The following GEMIN4 variants were observed in gnomAD, a reference collection of about 807,000 sequenced individuals.
The protein encoded by GEMIN4 is gem nuclear organelle associated protein 4.
A neutral mutation model predicts 76.8 loss-of-function variants in GEMIN4; 59 were observed. The ratio of observed to expected loss-of-function variants is 0.77; its 90% CI spans 0.62 to 0.95. The LOEUF is 0.95. Among genes scored for constraint, GEMIN4 ranks in the 40% least tolerant of loss-of-function variants. GEMIN4 has a pLI of 0.00. For missense variants in GEMIN4, 1,311 were observed against 1,318.9 expected, an observed-to-expected ratio of 0.99 and a Z score of 0.09; for synonymous variants, 562 against 559.7, an observed-to-expected ratio of 1.00 and a Z score of -0.06.
In GEMIN4 at chr17:747,772, G is replaced by A. The variant is rs763067962; in HGVS notation, c.271C>T (p.Arg91Trp). The change falls in exon 2 of 2, where the codon CGG becomes TGG. Residue 91 changes from arginine (R) to tryptophan (W), a missense_variant. By Grantham distance (101) the Arg-to-Trp change is moderately radical. This residue lies in a region of GEMIN4 where 103 missense variants were observed against 152.0 expected (regional missense o/e 0.68). Transcript: ENST00000319004. ...HPVTPSDTETRWQEDLFFSVG... is the reference protein window; with the variant it reads ...HPVTPSDTETWWQEDLFFSVG... Reference sequence around the variant, plus strand: ...GAGAAGAACAGGTCTTCCTGCCACCGTGTCTCTGTGTCGGACGGGGTCACG... The same window carrying A: ...GAGAAGAACAGGTCTTCCTGCCACCATGTCTCTGTGTCGGACGGGGTCACG... 28 of 1,613,448 alleles carry A rather than the reference G, an allele frequency of 1.7e-5. No individual in the cohort carries two copies. The highest frequency in any genetic ancestry group is 8.0e-5 in the African/African-American group (6 of 74,806).
chr17:744,721 T>A lies in GEMIN4; in HGVS notation c.*145A>T. ...TTGCCATGACTTTTTGTGGACAGTT[T>A]CACATAACTGTAAAGTCCAGGCTGC... On this transcript the variant is annotated 3_prime_UTR_variant, in exon 2 of 2. Transcript: ENST00000319004. The A allele has an allele frequency of 9.1e-6, 7 of 771,702 alleles. No homozygotes were observed. The highest frequency in any genetic ancestry group is 1.2e-5 in the Non-Finnish European group (6 of 501,208). 47.8% of individuals were successfully genotyped at this position (771,702 alleles called of 1,614,324 possible). A position where few individuals can be genotyped will look rare whatever the true frequency, so the allele number is the denominator to read the frequency against.
chr17:744,580 CCTGGGCTATTGCTGAGGCCGACTTAGA>C lies in GEMIN4; in HGVS notation c.*259_*285del. On this transcript the variant is annotated 3_prime_UTR_variant, in exon 2 of 2. Coordinates refer to ENST00000319004, the MANE Select transcript of GEMIN4 (RefSeq NM_015721.3). ...AACCCAATTTCAGAGCATATTTAAT[CCTGGGCTATTGCTGAGGCCGACTTAGA>C]AGAGACAAAGTGAGATGCGAAAGAG... 1 of 305,666 alleles carries C rather than the reference CCTGGGCTATTGCTGAGGCCGACTTAGA, an allele frequency of 3.3e-6. No individual in the cohort carries two copies. The highest frequency in any genetic ancestry group is 6.3e-5 in the East Asian group (1 of 15,882). The allele number at this position is 305,666 out of a possible 1,614,324, so 18.9% of individuals were successfully genotyped here.
At position 744,881 on chromosome 17, in the gene GEMIN4, C is replaced by T. The variant is rs1192640876; in HGVS notation, c.3162G>A (p.Lys1054=). 6.2e-7 allele frequency: 1 copy of T among 1,610,204 alleles called. No individual in the cohort carries two copies. Among genetic ancestry groups the T allele is most frequent in the Non-Finnish European group, 8.5e-7 (1 of 1,178,178 alleles). Reference sequence around the variant, plus strand: ...CCACGCCAAGTCAGAAGCTGCTCATCTTCTGCAACAGGGTTTGGCGCCGTT... The same window carrying T: ...CCACGCCAAGTCAGAAGCTGCTCATTTTCTGCAACAGGGTTTGGCGCCGTT... ...PEERRQTLLQ[K]MSSF The change falls in exon 2 of 2, where the codon AAG becomes AAA. Residue 1054 remains lysine, a synonymous_variant. Transcript: ENST00000319004.
chr17:745,351 G>A lies in GEMIN4; in HGVS notation c.2692C>T (p.Pro898Ser), dbSNP rs1974352901. 2 of 1,613,026 alleles carry A rather than the reference G, an allele frequency of 1.2e-6. No individual in the cohort carries two copies. The highest frequency in any genetic ancestry group is 2.2e-5 in the South Asian group (2 of 91,056). ...GCAAAGGGCTTCAGGTTGAGCAGGGGAACAAACTGAATATATTCCAGGCTA... is the reference window on the plus strand; with the variant it reads ...GCAAAGGGCTTCAGGTTGAGCAGGGAAACAAACTGAATATATTCCAGGCTA... The part of the protein sequence containing the change: ...PYSLEYIQFV[P>S]LLNLKPFAQE... Residue 898 changes from proline to serine, a missense_variant, in exon 2 of 2, where the codon CCC (proline) becomes TCC (serine). Pro to Ser is a moderately conservative substitution (Grantham distance 74). Coordinates refer to ENST00000319004, the MANE Select transcript of GEMIN4 (RefSeq NM_015721.3). This position sits in a 1 kb window ranked among gnomAD's most constrained non-coding sequence, Gnocchi z 4.6.
chr17:748,293 G>C, intron 1 of GEMIN4: 2 of 473,094 alleles, frequency 4.2e-6, no homozygotes, highest in South Asian at 6.4e-5. Flanking sequence ...AGGAGAATCA[G>C]AGCAGGTGTG....
intron 1 of GEMIN4, among the ~76,000 whole-genome samples, chr17:749,529 G>A (rs1904529568): frequency 6.8e-6 from 1 of 146,984 alleles, no homozygotes; most frequent in Non-Finnish European, 1.5e-5. Flanking sequence ...ACAGGATAAT[G>A]GGCACAGCAG....
In GEMIN4 at chr17:745,447, G is replaced by A. The variant is rs1439176923; in HGVS notation, c.2596C>T (p.Pro866Ser). ...TGGTGAAGGCGCTGCCACTCCTGAGGGCTGCACCAAGGCATGACTTGCACC... is the reference window on the plus strand; with the variant it reads ...TGGTGAAGGCGCTGCCACTCCTGAGAGCTGCACCAAGGCATGACTTGCACC... The part of the protein sequence containing the change: ...ALVQVMPWCS[P>S]QEWQRLHQLT... Residue 866 changes from proline to serine, a missense_variant, in exon 2 of 2, where the codon CCT becomes TCT. Around this residue, in one of 2 missense-constraint regions of GEMIN4, gnomAD observed 1,208 missense variants for 1,166.9 expected, o/e 1.04. Coordinates refer to ENST00000319004, the MANE Select transcript of GEMIN4 (RefSeq NM_015721.3). This position sits in a 1 kb window ranked among gnomAD's most constrained non-coding sequence, Gnocchi z 4.6. 1.9e-6 allele frequency: 3 copies of A among 1,612,550 alleles called. No individual in the cohort carries two copies. Among genetic ancestry groups the A allele is most frequent in the Non-Finnish European group, 2.5e-6 (3 of 1,179,824 alleles).
At chr17:752,707 A>C (rs1173925879), upstream of GEMIN4, 4 of 874,034 alleles carry the variant, frequency 4.6e-6, no homozygotes, top group African/African-American at 7.2e-5. Flanking sequence ...CCTCCCCAGA[A>C]AATGCGCCGT....
rs502853 is a variant in GEMIN4 at position 752,181 on chromosome 17, T to C, written c.-39A>G. On this transcript the variant is annotated 5_prime_UTR_variant, in exon 1 of 2. Coordinates refer to ENST00000319004, the MANE Select transcript of GEMIN4 (RefSeq NM_015721.3). ...GCGGCTGCGCGGGGCTAACGCCCCC[T>C]CCCCTCCGAGAACTCGAACGCGGCG... 8.1e-7 allele frequency: 1 copy of C among 1,232,160 alleles called. No homozygotes were observed. Among genetic ancestry groups the C allele is most frequent in the Non-Finnish European group, 1.0e-6 (1 of 987,376 alleles). 76.3% of individuals were successfully genotyped at this position (1,232,160 alleles called of 1,614,324 possible). A position where few individuals can be genotyped will look rare whatever the true frequency, so the allele number is the denominator to read the frequency against.
Position 747,704 on chromosome 17 carries a change from G to C in GEMIN4, c.339C>G (p.Phe113Leu), listed in dbSNP as rs538492187. ...AAGCTTCCAGGGATTTGAGCAGCTCGAAGAGGATGGTGTGGTTGATGGTGG... is the reference window on the plus strand; with the variant it reads ...AAGCTTCCAGGGATTTGAGCAGCTCCAAGAGGATGGTGTGGTTGATGGTGG... The part of the protein sequence containing the change: ...MIPTINHTIL[F>L]ELLKSLEASG... Residue 113 changes from phenylalanine to leucine, a missense_variant, in exon 2 of 2, where the codon TTC (phenylalanine) becomes TTG (leucine). By Grantham distance (22) the Phe-to-Leu change is conservative (BLOSUM62 0). Around this residue, in one of 2 missense-constraint regions of GEMIN4, gnomAD observed 103 missense variants for 152.0 expected, o/e 0.68. Coordinates refer to ENST00000319004, the MANE Select transcript of GEMIN4 (RefSeq NM_015721.3). 3 of 1,613,824 alleles carry C rather than the reference G, an allele frequency of 1.9e-6. No individual in the cohort carries two copies. The highest frequency in any genetic ancestry group is 2.5e-6 in the Non-Finnish European group (3 of 1,179,850).
Position 747,455 on chromosome 17 carries a change from GA to G in GEMIN4, c.587del (p.Phe196SerfsTer28), listed in dbSNP as rs1904318400. ...ACCTAAGCCTCTTTGGAGGATGGGG[GA>G]ACTCATCTAAGGCAGGCAGGTACTT... is the stretch of plus-strand genomic sequence containing the variant. ...AHKYLPALDE[F>X]PHPPKRLRSD... On this transcript the variant is annotated frameshift_variant, in exon 2 of 2. Transcript: ENST00000319004. LOFTEE classifies it high-confidence loss of function. 1 of 1,613,734 alleles carries G rather than the reference GA, an allele frequency of 6.2e-7. No homozygotes were observed. The highest frequency in any genetic ancestry group is 8.5e-7 in the Non-Finnish European group (1 of 1,179,816).
chr17:745,479 A>G lies in GEMIN4; in HGVS notation c.2564T>C (p.Val855Ala), dbSNP rs1974358667. The G allele has an allele frequency of 1.9e-6, 3 of 1,611,920 alleles. No individual in the cohort carries two copies. Among genetic ancestry groups the G allele is most frequent in the Admixed American group, 1.7e-5 (1 of 59,982 alleles). Residue 855 changes from valine (V) to alanine (A), a missense_variant, in exon 2 of 2, where the codon GTG (valine) becomes GCG (alanine). Physicochemically the swap from Val to Ala is moderately conservative, Grantham distance 64. Transcript: ENST00000319004. This position sits in a 1 kb window ranked among gnomAD's most constrained non-coding sequence, Gnocchi z 4.6. ...CCAAGGCATGACTTGCACCAGGGCCACCAGAAAGCCTTTGCTGAACAGTCT... is the reference window on the plus strand; with the variant it reads ...CCAAGGCATGACTTGCACCAGGGCCGCCAGAAAGCCTTTGCTGAACAGTCT... ...EVRLFSKGFL[V>A]ALVQVMPWCS...
chr17:748,157 G>C (rs1250239896), intron 1 of GEMIN4, 125 bp from the exon 2 acceptor site: 1 of 729,794 alleles, frequency 1.4e-6, no homozygotes, highest in East Asian at 2.7e-5. Context: ...CGGGGAGAAG[G>C]GATGACTACA....
At chr17:749,771 G>A in intron 1 of GEMIN4, 1 of 977,750 alleles carries the variant, frequency 1.0e-6, no homozygotes, top group Non-Finnish European at 1.2e-6. Flanking sequence ...AATGGGCACA[G>A]AAGGAATCAG....
Position 752,253 on chromosome 17 carries a change from C to T in GEMIN4, c.-111G>A. ...AGACGCAGGAGCCACGGCGGCCGCG[C>T]TTAGGCCTGCTCACAACCTCCGCCC... is the stretch of plus-strand genomic sequence containing the variant. On this transcript the variant is annotated 5_prime_UTR_variant, in exon 1 of 2. Coordinates refer to ENST00000319004, the MANE Select transcript of GEMIN4 (RefSeq NM_015721.3). 1 of 1,227,616 alleles carries T rather than the reference C, an allele frequency of 8.1e-7. No individual in the cohort carries two copies. The highest frequency in any genetic ancestry group is 1.6e-5 in the African/African-American group (1 of 64,284). The allele number at this position is 1,227,616 out of a possible 1,614,324, so 76.0% of individuals were successfully genotyped here.
chr17:750,001 GA>G (rs1160995196), intron 1 of GEMIN4: 1 of 983,006 alleles, frequency 1.0e-6, no homozygotes, highest in Non-Finnish European at 1.2e-6. Context: ...ACTTACCATG[GA>G]AAACATCTTG....
Position 746,602 on chromosome 17 carries a change from G to A in GEMIN4, c.1441C>T (p.His481Tyr), listed in dbSNP as rs1408578338. 3 of 1,613,488 alleles carry A rather than the reference G, an allele frequency of 1.9e-6. No individual in the cohort carries two copies. Among genetic ancestry groups the A allele is most frequent in the East Asian group, 2.2e-5 (1 of 44,892 alleles). The stretch of plus-strand genomic sequence containing the variant: ...TCTGCGTAACATTCCAGGATCAGGT[G>A]GATCACCTGCCGGATCTGAGACTCA... ...IPESQIRQVI[H>Y]LILECYADLS... The change falls in exon 2 of 2, where the codon CAC (histidine) becomes TAC (tyrosine). Residue 481 changes from histidine to tyrosine, a missense_variant. Physicochemically the swap from His to Tyr is moderately conservative, Grantham distance 83. This residue lies in a region of GEMIN4 where 1,208 missense variants were observed against 1,166.9 expected (regional missense o/e 1.04). Transcript: ENST00000319004. This position sits in a 1 kb window ranked among gnomAD's most constrained non-coding sequence, Gnocchi z 4.3.
At position 746,922 on chromosome 17, in the gene GEMIN4, T is replaced by C; in HGVS notation, c.1121A>G (p.Gln374Arg). ...NRTSLSKEDR[Q>R]VVSELAECVR... ...ACACTCCGCCAGCTCAGAGACCACC[T>C]GCCTGTCCTCCTTGGACAGGCTGGT... Residue 374 changes from glutamine (Q) to arginine (R), a missense_variant, in exon 2 of 2, where the codon CAG (glutamine) becomes CGG (arginine). Coordinates refer to ENST00000319004, the MANE Select transcript of GEMIN4 (RefSeq NM_015721.3). This position sits in a 1 kb window ranked among gnomAD's most constrained non-coding sequence, Gnocchi z 4.3. 1.9e-6 allele frequency: 3 copies of C among 1,613,622 alleles called. No homozygotes were observed. Among genetic ancestry groups the C allele is most frequent in the African/African-American group, 2.7e-5 (2 of 75,046 alleles).
chr17:752,590 TC>T, upstream of GEMIN4: 2 of 868,454 alleles, frequency 2.3e-6, no homozygotes, highest in Non-Finnish European at 1.4e-6. Flanking sequence ...AGGCTTCCAC[TC>T]CCACCCGCCC....
Sources: allele counts gnomAD v4.1 joint callset (sites outside exome capture counted in the v4.1 genomes callset), GRCh38; gene constraint gnomAD v4.1.1; regional missense constraint gnomAD v4.1.1; non-coding constraint Gnocchi (gnomAD v3.1); transcripts MANE v1.5; gene names NCBI Gene and HGNC (gene_info 2026-07-23, HGNC 2026-07-21).